ANKIB1: variants seen among roughly 807,000 people sequenced by gnomAD.
ANKIB1 encodes ankyrin repeat and IBR domain containing 1.
Under a neutral mutation model 122.1 loss-of-function variants are expected in ANKIB1, and 43 were observed. The observed-to-expected ratio is 0.35, with a 90% confidence interval of 0.28 to 0.45. The LOEUF is 0.45. Ranked by LOEUF, ANKIB1 falls within the 20% of genes least tolerant of loss-of-function variation. The probability of loss-of-function intolerance (pLI) is 1.00; values close to 1 mark genes in which losing one functional copy is unlikely to be tolerated. For missense variants in ANKIB1, 992 were observed against 1,329.5 expected (o/e 0.75, Z 3.95); for synonymous variants, 390 against 442.0 (o/e 0.88, Z 1.48).
chr7:92,392,845 C>G (rs769122999), intron 17 of ANKIB1, among the ~76,000 whole-genome samples: 2 of 151,954 alleles, frequency 1.3e-5, no homozygotes, highest in Non-Finnish European at 2.9e-5. Flanking sequence ...TTTTGAAATA[C>G]AGAAGGTCTA....
At chr7:92,287,975 G>C (rs1802168168) in intron 1 of ANKIB1, among the ~76,000 whole-genome samples, 1 of 148,492 alleles carries the variant, frequency 6.7e-6, no homozygotes, top group Non-Finnish European at 1.5e-5. Flanking sequence ...GGTGGAGCTT[G>C]CAGTGAGCTG....
intron 1 of ANKIB1, among the ~76,000 whole-genome samples, chr7:92,282,088 T>C (rs1802021580): frequency 6.6e-6 from 1 of 152,152 alleles, no homozygotes. Flanking sequence ...ATAGAAAATA[T>C]GATTGATTTA....
At chr7:92,355,830 C>T (rs963197731) in intron 9 of ANKIB1, among the ~76,000 whole-genome samples, 12 of 148,860 alleles carry the variant, frequency 8.1e-5, no homozygotes, top group Non-Finnish European at 1.2e-4. Flanking sequence ...GCCCAGGCAA[C>T]GGAGCGAGAC....
chr7:92,257,831 C>T (rs924598690), intron 1 of ANKIB1, among the ~76,000 whole-genome samples: 5 of 151,992 alleles, frequency 3.3e-5, no homozygotes, highest in Non-Finnish European at 7.4e-5. Flanking sequence ...ATTATTCTAT[C>T]TTTCAACCAT....
intron 1 of ANKIB1, among the ~76,000 whole-genome samples, chr7:92,290,807 T>A (rs1003219950): frequency 6.6e-6 from 1 of 151,746 alleles, no homozygotes; most frequent in Non-Finnish European, 1.5e-5. Flanking sequence ...TTTGTGGGAG[T>A]TGAAAGTTAA....
chr7:92,356,960 A>G (rs1456977871), intron 9 of ANKIB1, among the ~76,000 whole-genome samples: 1 of 152,222 alleles, frequency 6.6e-6, no homozygotes, highest in Non-Finnish European at 1.5e-5. Context: ...TTTCTACTTA[A>G]TTCACTCAGA....
intron 1 of ANKIB1, among the ~76,000 whole-genome samples, chr7:92,280,450 A>AC (rs34399457): frequency 0.023 from 2,584 of 112,738 alleles, 35 homozygotes; most frequent in East Asian, 0.042. Context: ...TTTGGAGGGC[A>AC]CCCCCCCCCC....
At chr7:92,266,665 G>T (rs962001981) in intron 1 of ANKIB1, among the ~76,000 whole-genome samples, 3 of 152,192 alleles carry the variant, frequency 2.0e-5, no homozygotes, top group Non-Finnish European at 2.9e-5. Context: ...ATCTTCTAGG[G>T]TGCTGGGGGA....
chr7:92,247,946 T>C (rs1250210567), intron 1 of ANKIB1, among the ~76,000 whole-genome samples: 1 of 152,214 alleles, frequency 6.6e-6, no homozygotes, highest in Non-Finnish European at 1.5e-5. Flanking sequence ...AACTTCTCAC[T>C]GTTCACAGAT....
rs770743913 is a variant in ANKIB1 at position 92,334,778 on chromosome 7, A to G, written c.787+6878A>G. On this transcript the variant is annotated intron_variant, in intron 5 of 19. Transcript: ENST00000265742. Reference sequence around the variant, plus strand: ...ATTAATGCATGATATAAAGCTTTTCATATCAATAGCTATATGACTACATAA... The same window carrying G: ...ATTAATGCATGATATAAAGCTTTTCGTATCAATAGCTATATGACTACATAA... 1.1e-3 allele frequency among the ~76,000 whole-genome samples: 163 copies of G among 151,976 alleles called. 1 individual carries two copies. Among genetic ancestry groups the G allele is most frequent in the Non-Finnish European group, 1.6e-3 (108 of 67,836 alleles).
chr7:92,280,560 A>AT (rs1292679414), intron 1 of ANKIB1, among the ~76,000 whole-genome samples: 1 of 151,150 alleles, frequency 6.6e-6, no homozygotes, highest in Non-Finnish European at 1.5e-5. Context: ...AGCTTTTAAC[A>AT]TTTTTTGCCC....
chr7:92,293,128 A>G (rs533295888), intron 1 of ANKIB1, among the ~76,000 whole-genome samples: 1 of 152,320 alleles, frequency 6.6e-6, no homozygotes, highest in African/African-American at 2.4e-5. Context: ...GCAGGGCACC[A>G]GAAGCCTTTT....
At chr7:92,389,891 G>C in intron 14 of ANKIB1, 80 bp from the exon 15 acceptor site, 2 of 1,420,384 alleles carry the variant, frequency 1.4e-6, no homozygotes, top group Non-Finnish European at 1.9e-6. Context: ...CCTTTTTTGA[G>C]AAAAAAAATC....
chr7:92,367,404 C>T (rs1804113481), intron 10 of ANKIB1, among the ~76,000 whole-genome samples: 1 of 152,024 alleles, frequency 6.6e-6, no homozygotes, highest in African/African-American at 2.4e-5. Context: ...AAGTAGAACC[C>T]CATCATTAAA....
chr7:92,380,268 GC>G (rs1238541314), intron 11 of ANKIB1, among the ~76,000 whole-genome samples: 6 of 152,130 alleles, frequency 3.9e-5, no homozygotes, highest in Admixed American at 6.6e-5. Context: ...GCTCAACAAG[GC>G]CCCCCTGCTT....
intron 10 of ANKIB1, among the ~76,000 whole-genome samples, chr7:92,366,453 T>C (rs1804085615): frequency 6.6e-6 from 1 of 152,196 alleles, no homozygotes; most frequent in African/African-American, 2.4e-5. Context: ...CTGTTCATCT[T>C]TAAAGGTTCC....
In ANKIB1 at chr7:92,295,123, C is replaced by T. The variant is rs1313805379; in HGVS notation, c.145C>T (p.Pro49Ser). The T allele has an allele frequency of 1.9e-6, 3 of 1,569,410 alleles. No homozygotes were observed. The highest frequency in any genetic ancestry group is 2.6e-6 in the Non-Finnish European group (3 of 1,156,198). The change falls in exon 2 of 20, where the codon CCA (proline) becomes TCA (serine). Residue 49 changes from proline (P) to serine (S), a missense_variant. This residue lies in a region of ANKIB1 where 54 missense variants were observed against 112.3 expected (regional missense o/e 0.48). Coordinates refer to ENST00000265742, the MANE Select transcript of ANKIB1 (RefSeq NM_019004.2). ...SYGEPYQHNT[P>S]LHYAARHGMN... Reference sequence around the variant, plus strand: ...TGGGGAGCCCTACCAGCACAATACTCCATTACATTATGCTGCTAGACATGG... The same window carrying T: ...TGGGGAGCCCTACCAGCACAATACTTCATTACATTATGCTGCTAGACATGG...
At chr7:92,272,916 A>G (rs907086750) in intron 1 of ANKIB1, among the ~76,000 whole-genome samples, 4 of 152,194 alleles carry the variant, frequency 2.6e-5, no homozygotes, top group African/African-American at 7.2e-5. Flanking sequence ...ATGTTACTGT[A>G]CTGAATGCTG....
rs965881282 is a variant in ANKIB1, at chr7:92,246,290, G to T, written c.-320G>T. 2.5e-6 allele frequency: 1 copy of T among 404,286 alleles called. No homozygotes were observed. Among genetic ancestry groups the T allele is most frequent in the African/African-American group, 2.2e-5 (1 of 45,044 alleles). 25.0% of individuals were successfully genotyped at this position (404,286 alleles called of 1,614,324 possible). A position where few individuals can be genotyped will look rare whatever the true frequency, so the allele number is the denominator to read the frequency against. The stretch of plus-strand genomic sequence containing the variant: ...ACCCAGTCTGAGCCTCGCCGCGGGC[G>T]CCTTCGGCTCACGCAGCGCTTCCCG... On this transcript the variant is annotated 5_prime_UTR_variant, in exon 1 of 20. Transcript: ENST00000265742.
Sources: allele counts gnomAD v4.1 joint callset (sites outside exome capture counted in the v4.1 genomes callset), GRCh38; gene constraint gnomAD v4.1.1; regional missense constraint gnomAD v4.1.1; transcripts MANE v1.5; gene names NCBI Gene and HGNC (gene_info 2026-07-23, HGNC 2026-07-21).